SUGCT: variants seen among roughly 807,000 people sequenced by gnomAD.
SUGCT encodes the protein succinyl-CoA:glutarate-CoA transferase, also known as succinyl-CoA:glutarate CoA-transferase.
SUGCT carries 41 observed loss-of-function variants against 55.0 expected under a neutral mutation model. The ratio of observed to expected loss-of-function variants is 0.74; its 90% confidence interval spans 0.58 to 0.97. SUGCT has a LOEUF of 0.97. Ranked by LOEUF, SUGCT falls within the 50% of genes least tolerant of loss-of-function variation. SUGCT has a pLI of 0.00. For missense variants in SUGCT, 568 were observed against 547.8 expected (o/e 1.04, Z -0.37); for synonymous variants, 187 against 200.4 (o/e 0.93, Z 0.56).
At chr7:40,765,692 G>A (rs1191427279) in intron 13 of SUGCT, among the ~76,000 whole-genome samples, 1 of 152,152 alleles carries the variant, frequency 6.6e-6, no homozygotes, top group Non-Finnish European at 1.5e-5. Flanking sequence ...GGTTTAGGAG[G>A]TAATAATAAA....
intron 12 of SUGCT, among the ~76,000 whole-genome samples, chr7:40,550,561 A>G (rs1374011317): frequency 6.6e-6 from 1 of 152,232 alleles, no homozygotes; most frequent in Non-Finnish European, 1.5e-5. Flanking sequence ...TATACATACA[A>G]TATCCTTTCA....
intron 12 of SUGCT, among the ~76,000 whole-genome samples, chr7:40,700,561 G>A (rs964933736): frequency 2.6e-5 from 4 of 152,226 alleles, no homozygotes; most frequent in South Asian, 2.1e-4. Context: ...TTGTATTTTT[G>A]TTGTGACTGA....
At chr7:40,982,237 C>T in the SUGCT span, among the ~76,000 whole-genome samples, 1 of 152,174 alleles carries the variant, frequency 6.6e-6, no homozygotes, top group Non-Finnish European at 1.5e-5. Flanking sequence ...AACAAGTCCA[C>T]AGTGAACATT....
chr7:40,818,640 G>A (rs997046287), intron 13 of SUGCT, among the ~76,000 whole-genome samples: 2 of 152,160 alleles, frequency 1.3e-5, no homozygotes, highest in Non-Finnish European at 2.9e-5. Flanking sequence ...GATCTTAATG[G>A]ATTGAAGAGT....
chr7:40,546,683 A>T (rs1414047492), intron 12 of SUGCT: 1 of 152,226 alleles, frequency 6.6e-6, no homozygotes, highest in Non-Finnish European at 1.5e-5. Context: ...TAGATGAAGA[A>T]TCAGAGGCTT....
chr7:40,222,990 C>CT (rs1184806027), intron 6 of SUGCT, among the ~76,000 whole-genome samples: 809 of 31,054 alleles, frequency 0.026, 10 homozygotes, highest in African/African-American at 0.11. Flanking sequence ...CATTTCTTTC[C>CT]TTCCTTCCTT....
chr7:40,224,796 CTT>C (rs913303426), intron 6 of SUGCT, among the ~76,000 whole-genome samples: 2 of 152,194 alleles, frequency 1.3e-5, no homozygotes, highest in African/African-American at 4.8e-5. Context: ...GACCGGACCT[CTT>C]TTCATCTGTA....
rs369106197 is a variant in SUGCT at position 40,357,268 on chromosome 7, T to G, written c.816+40413T>G. On this transcript the variant is annotated intron_variant, in intron 9 of 13. Transcript: ENST00000335693. Reference sequence around the variant, plus strand: ...CCAATTTGGCAGTTATTGTCTCCCTTTAGCACAGCTATAATGTCATTACAT... The same window carrying G: ...CCAATTTGGCAGTTATTGTCTCCCTGTAGCACAGCTATAATGTCATTACAT... Among the ~76,000 whole-genome samples the G allele has an allele frequency of 2.6e-5, 4 of 152,334 alleles. No individual in the cohort carries two copies. The East Asian group carries it at 7.7e-4, about 29-fold the overall frequency.
chr7:40,464,482 G>A (rs575678244), intron 11 of SUGCT, among the ~76,000 whole-genome samples: 2 of 152,078 alleles, frequency 1.3e-5, no homozygotes, highest in Non-Finnish European at 2.9e-5. Flanking sequence ...AAAGAAAAAA[G>A]TTCAAAGAAG....
At chr7:40,230,125 C>A (rs966455573) in intron 6 of SUGCT, among the ~76,000 whole-genome samples, 2 of 152,126 alleles carry the variant, frequency 1.3e-5, no homozygotes, top group Non-Finnish European at 2.9e-5. Flanking sequence ...CTCTTTGAAA[C>A]CTGCTTCTTT....
chr7:40,655,618 G>A (rs1388437612), intron 12 of SUGCT, among the ~76,000 whole-genome samples: 1 of 152,192 alleles, frequency 6.6e-6, no homozygotes, highest in African/African-American at 2.4e-5. Context: ...GCCAGGGACA[G>A]TGATTGTCCT....
chr7:40,943,289 T>A, the SUGCT span, among the ~76,000 whole-genome samples: 4 of 151,234 alleles, frequency 2.6e-5, no homozygotes, highest in African/African-American at 9.7e-5. Context: ...TATTATTATT[T>A]ATTATTATAC....
intron 6 of SUGCT, among the ~76,000 whole-genome samples, chr7:40,208,572 T>C (rs78778587): frequency 6.6e-6 from 1 of 152,110 alleles, no homozygotes; most frequent in Non-Finnish European, 1.5e-5. Context: ...TTTTTTTTTT[T>C]CTTGCTCTGT....
chr7:41,037,261 C>A, the SUGCT span, among the ~76,000 whole-genome samples: 2 of 152,066 alleles, frequency 1.3e-5, no homozygotes, highest in Non-Finnish European at 1.5e-5. Context: ...TTTCCCCCCA[C>A]ATAGACACTC....
At chr7:40,711,072 C>A (rs115517277) in intron 12 of SUGCT, among the ~76,000 whole-genome samples, 67 of 152,336 alleles carry the variant, frequency 4.4e-4, no homozygotes, top group Middle Eastern at 3.4e-3. Flanking sequence ...GATGAGCAAT[C>A]TCAAATGCCT....
At chr7:40,300,530 A>G (rs1014379418) in intron 8 of SUGCT, among the ~76,000 whole-genome samples, 1 of 152,244 alleles carries the variant, frequency 6.6e-6, no homozygotes, top group African/African-American at 2.4e-5. Flanking sequence ...ATCATATTAC[A>G]GTCTTCTCAC....
At chr7:40,503,653 G>GC (rs1430786947) in intron 12 of SUGCT, among the ~76,000 whole-genome samples, 1 of 152,054 alleles carries the variant, frequency 6.6e-6, no homozygotes, top group African/African-American at 2.4e-5. Flanking sequence ...TATGCTTTAT[G>GC]CCCAGATAAT....
intron 9 of SUGCT, among the ~76,000 whole-genome samples, chr7:40,442,786 A>G (rs1788588709): frequency 6.6e-6 from 1 of 152,100 alleles, no homozygotes; most frequent in African/African-American, 2.4e-5. Flanking sequence ...GGTTTGTTAC[A>G]TGTGTATACA....
the SUGCT span, among the ~76,000 whole-genome samples, chr7:41,013,759 T>C: frequency 2.3e-3 from 345 of 152,066 alleles, 1 homozygote; most frequent in African/African-American, 3.4e-3. Context: ...TTCTTTCTTT[T>C]TTTTTTTTAA....
Sources: allele counts gnomAD v4.1 joint callset (sites outside exome capture counted in the v4.1 genomes callset), GRCh38; gene constraint gnomAD v4.1.1; transcripts MANE v1.5; gene names NCBI Gene and HGNC (gene_info 2026-07-23, HGNC 2026-07-21).